Variants in SPOCK3 observed in about 807,000 individuals in gnomAD.
SPOCK3 encodes the protein SPARC (osteonectin), cwcv and kazal like domains proteoglycan 3.
A neutral mutation model predicts 56.6 loss-of-function variants in SPOCK3; 30 were observed. That is an observed-to-expected ratio of 0.53 (90% confidence interval 0.40 to 0.72). The LOEUF (loss-of-function observed/expected upper bound fraction) is 0.72, where lower values mean the gene tolerates loss of function less well. Among genes scored for constraint, SPOCK3 ranks in the 30% least tolerant of loss-of-function variants. The pLI, the probability that SPOCK3 is intolerant of heterozygous loss-of-function variation, is 0.00. For synonymous variants in SPOCK3, 196 were observed against 183.3 expected, an observed-to-expected ratio of 1.07 and a Z score of -0.56; for missense variants, 527 against 530.0, an observed-to-expected ratio of 0.99 and a Z score of 0.06.
At chr4:166,827,745 T>C (rs1453689643) in intron 6 of SPOCK3, among the ~76,000 whole-genome samples, 2 of 151,910 alleles carry the variant, frequency 1.3e-5, no homozygotes, top group East Asian at 3.9e-4. Context: ...AAACCAAGTG[T>C]GTTCCCCATA....
chr4:167,213,971 T>G (rs1227648444), intron 2 of SPOCK3, among the ~76,000 whole-genome samples: 1 of 152,152 alleles, frequency 6.6e-6, no homozygotes, highest in Non-Finnish European at 1.5e-5. Flanking sequence ...ATGATGAAAA[T>G]TGAAACACTA....
At chr4:166,988,439 A>G (rs1192179023) in intron 4 of SPOCK3, among the ~76,000 whole-genome samples, 1 of 152,138 alleles carries the variant, frequency 6.6e-6, no homozygotes, top group Non-Finnish European at 1.5e-5. Context: ...GTAGCATTTT[A>G]TAAAAAGAGA....
chr4:166,953,269 G>A (rs1369770139), intron 4 of SPOCK3, among the ~76,000 whole-genome samples: 5 of 152,124 alleles, frequency 3.3e-5, no homozygotes, highest in Admixed American at 6.6e-5. Flanking sequence ...CAAAAAGTGG[G>A]CGAAGGACAT....
chr4:166,985,551 T>A (rs543000309), intron 4 of SPOCK3, among the ~76,000 whole-genome samples: 7 of 152,282 alleles, frequency 4.6e-5, no homozygotes, highest in African/African-American at 1.4e-4. Flanking sequence ...AATGTTAGAA[T>A]TTCTTAAATT....
chr4:166,813,385 G>A (rs1744045591), intron 6 of SPOCK3, among the ~76,000 whole-genome samples: 1 of 151,978 alleles, frequency 6.6e-6, no homozygotes, highest in Non-Finnish European at 1.5e-5. Flanking sequence ...TCTGAGGAAT[G>A]TACCTGAAGT....
chr4:166,833,107 G>T (rs538955497), intron 6 of SPOCK3, among the ~76,000 whole-genome samples: 1 of 152,284 alleles, frequency 6.6e-6, no homozygotes, highest in East Asian at 1.9e-4. Context: ...ACGTGTGTGT[G>T]TGTCTTTTTA....
At chr4:167,078,180 G>A (rs1335294435) in intron 2 of SPOCK3, among the ~76,000 whole-genome samples, 1 of 151,850 alleles carries the variant, frequency 6.6e-6, no homozygotes, top group African/African-American at 2.4e-5. Context: ...AGATGGAGAT[G>A]CAAGGAAGTA....
intron 3 of SPOCK3, among the ~76,000 whole-genome samples, chr4:167,015,667 G>A (rs1750544358): frequency 6.6e-6 from 1 of 152,146 alleles, no homozygotes. Flanking sequence ...CCGTTGGAAA[G>A]TAATGATCTG....
At chr4:167,088,086 T>C (rs1266737925) in intron 2 of SPOCK3, among the ~76,000 whole-genome samples, 1 of 151,998 alleles carries the variant, frequency 6.6e-6, no homozygotes, top group Non-Finnish European at 1.5e-5. Flanking sequence ...TAAAGATGGC[T>C]CTTTTCTTAA....
At chr4:167,025,518 A>G (rs900275573) in intron 3 of SPOCK3, among the ~76,000 whole-genome samples, 4 of 152,040 alleles carry the variant, frequency 2.6e-5, no homozygotes, top group African/African-American at 9.7e-5. Flanking sequence ...TATTAACCCA[A>G]TTAGAGACCT....
chr4:167,003,666 G>T (rs1451912854), intron 3 of SPOCK3, among the ~76,000 whole-genome samples: 1 of 152,154 alleles, frequency 6.6e-6, no homozygotes, highest in Non-Finnish European at 1.5e-5. Context: ...CCAGCAACCA[G>T]TCAAACTACC....
At chr4:166,817,546 G>C (rs954761210) in intron 6 of SPOCK3, among the ~76,000 whole-genome samples, 4 of 151,936 alleles carry the variant, frequency 2.6e-5, no homozygotes, top group Non-Finnish European at 5.9e-5. Flanking sequence ...ATCAAAATTG[G>C]GTGAAAAGTA....
intron 2 of SPOCK3, among the ~76,000 whole-genome samples, chr4:167,077,539 T>C (rs1243072324): frequency 6.6e-6 from 1 of 151,860 alleles, no homozygotes; most frequent in East Asian, 1.9e-4. Flanking sequence ...TGTTTTAAGT[T>C]AGAAAAAAAG....
chr4:167,111,588 A>C (rs529210619), intron 2 of SPOCK3, among the ~76,000 whole-genome samples: 1 of 152,282 alleles, frequency 6.6e-6, no homozygotes, highest in South Asian at 2.1e-4. Context: ...AGTTAACATT[A>C]ATTCATCCTA....
At chr4:166,744,205 A>G (rs918194841) in intron 8 of SPOCK3, among the ~76,000 whole-genome samples, 4 of 152,142 alleles carry the variant, frequency 2.6e-5, no homozygotes, top group Non-Finnish European at 2.9e-5. Context: ...ATACCTCCCA[A>G]TAGGGGCTGA....
intron 6 of SPOCK3, among the ~76,000 whole-genome samples, chr4:166,825,111 C>G (rs950656625): frequency 6.6e-6 from 1 of 151,818 alleles, no homozygotes; most frequent in Non-Finnish European, 1.5e-5. Context: ...ATATATATGA[C>G]CCATGGAAAT....
chr4:167,092,687 C>A (rs1341399881), intron 2 of SPOCK3, among the ~76,000 whole-genome samples: 2 of 152,138 alleles, frequency 1.3e-5, no homozygotes, highest in African/African-American at 4.8e-5. Context: ...TACACAGTGG[C>A]AAAGTCTATG....
At chr4:167,150,673 TATTACTGAAGA>T (rs1159885194) in intron 2 of SPOCK3, among the ~76,000 whole-genome samples, 2 of 152,182 alleles carry the variant, frequency 1.3e-5, no homozygotes, top group Non-Finnish European at 2.9e-5. Context: ...GAATATTTGA[TATTACTGAAGA>T]AGTAAGGACA....
intron 2 of SPOCK3, among the ~76,000 whole-genome samples, chr4:167,232,305 C>G (rs1400444993): frequency 6.6e-6 from 1 of 151,502 alleles, no homozygotes. Context: ...TAGTAATACT[C>G]TTACAATTCT....
Sources: gnomAD v4.1 joint callset for allele counts (sites outside exome capture counted in the v4.1 genomes callset) on GRCh38, gnomAD v4.1.1 for gene constraint, MANE v1.5 for transcripts, NCBI Gene and HGNC (gene_info 2026-07-23, HGNC 2026-07-21) for gene names.